ZNF234: variants seen among roughly 807,000 people sequenced by gnomAD.
The protein encoded by ZNF234 is C2-H2 type zinc finger protein.
Under a neutral mutation model 10.3 loss-of-function variants are expected in ZNF234, and 4 were observed. The observed-to-expected ratio is 0.39, with a 90% CI of 0.19 to 0.89. ZNF234 has a LOEUF of 0.89. Ranked by LOEUF, ZNF234 falls within the 40% of genes least tolerant of loss-of-function variation. ZNF234 has a pLI of 0.38. For synonymous variants in ZNF234, 258 were observed against 280.1 expected (o/e 0.92, Z 0.79); for missense variants, 711 against 836.1 (o/e 0.85, Z 1.85).
intron 5 of ZNF234, among the ~76,000 whole-genome samples, chr19:44,153,165 C>CATAT (rs10528022): frequency 0.035 from 3,461 of 97,816 alleles, 238 homozygotes; most frequent in African/African-American, 0.11. Context: ...ATGTATTCAT[C>CATAT]ATATATATAT....
Position 44,156,827 on chromosome 19 carries a change from C to T in ZNF234, c.811C>T (p.His271Tyr). The change falls in exon 6 of 6, where the codon CAT becomes TAT. Residue 271 changes from histidine to tyrosine, a missense_variant. His to Tyr is a moderately conservative substitution (Grantham distance 83). Transcript: ENST00000426739. ...TGAGGAATGTGGAAGGGCCTTCATA[C>T]ATGCTTCCCATCTTCAGGAACATCA... Reference protein sequence around the residue: ...NCEECGRAFIHASHLQEHQRI... With the variant: ...NCEECGRAFIYASHLQEHQRI... The T allele has an allele frequency of 6.2e-7, 1 of 1,609,496 alleles. No individual in the cohort carries two copies. The highest frequency in any genetic ancestry group is 2.2e-5 in the East Asian group (1 of 44,782).
rs777046263 is a variant in ZNF234 at position 44,144,691 on chromosome 19, T to A, written c.15+44T>A. 2.0e-6 allele frequency: 3 copies of A among 1,511,358 alleles called. No individual in the cohort carries two copies. The South Asian group carries it at 4.2e-5, about 21-fold the overall frequency. The allele number at this position is 1,511,358 out of a possible 1,614,324, so 93.6% of individuals were successfully genotyped here. On this transcript the variant is annotated intron_variant, in intron 3 of 5. Coordinates refer to ENST00000426739, the MANE Select transcript of ZNF234 (RefSeq NM_006630.3). ...TCTTGCTGTTAAAATTCCATCTCAC[T>A]ATTCTCATGTTTCCTGAGGAAGACT...
rs769656399 is a variant in ZNF234, at chr19:44,150,521, C to T, written c.235+16C>T. ...GGGAAATCAGGTAAGAACCAAGCAG[C>T]TAAGAGTCCTTGTACGTGATTGTCC... On this transcript the variant is annotated intron_variant, in intron 5 of 5. Transcript: ENST00000426739. The T allele has an allele frequency of 2.6e-5, 41 of 1,553,628 alleles. No homozygotes were observed. Among genetic ancestry groups the T allele is most frequent in the Non-Finnish European group, 3.4e-5 (39 of 1,146,590 alleles).
At chr19:44,150,343 T>G (rs1968707268) in intron 4 of ZNF234, 70 bp from the exon 5 acceptor site, 1 of 1,273,880 alleles carries the variant, frequency 7.9e-7, no homozygotes. Context: ...CAGTAGTAAT[T>G]CAAATTGCCA....
Position 44,158,094 on chromosome 19 carries a change from CAGAG to C in ZNF234, c.2079_2082del (p.Gly695GlufsTer7). 6.3e-7 allele frequency: 1 copy of C among 1,598,816 alleles called. No homozygotes were observed. The highest frequency in any genetic ancestry group is 8.5e-7 in the Non-Finnish European group (1 of 1,176,016). ...AATAGTAAGAACATCAGAGAGTTGT[CAGAG>C]GGAGGAAGTTCTACAAGGTGATTAA... is the stretch of plus-strand genomic sequence containing the variant. On this transcript the variant is annotated frameshift_variant, in exon 6 of 6. Coordinates refer to ENST00000426739, the MANE Select transcript of ZNF234 (RefSeq NM_006630.3). LOFTEE classifies it low-confidence loss of function (END_TRUNC).
At chr19:44,155,443 C>A (rs757027621) in intron 5 of ZNF234, among the ~76,000 whole-genome samples, 5 of 151,988 alleles carry the variant, frequency 3.3e-5, no homozygotes, top group Non-Finnish European at 5.9e-5. Context: ...ATACTATATT[C>A]TTACAATAAA....
chr19:44,156,819 C>A lies in ZNF234; in HGVS notation c.803C>A (p.Ala268Asp), dbSNP rs772530173. 1.9e-6 allele frequency: 3 copies of A among 1,609,110 alleles called. No individual in the cohort carries two copies. Among genetic ancestry groups the A allele is most frequent in the Non-Finnish European group, 2.5e-6 (3 of 1,176,482 alleles). The change falls in exon 6 of 6, where the codon GCC (alanine) becomes GAC (aspartate). Residue 268 changes from alanine (A) to aspartate (D), a missense_variant. Physicochemically the swap from Ala to Asp is moderately radical, Grantham distance 126. Coordinates refer to ENST00000426739, the MANE Select transcript of ZNF234 (RefSeq NM_006630.3). ...TACAATTGTGAGGAATGTGGAAGGG[C>A]CTTCATACATGCTTCCCATCTTCAG... is the stretch of plus-strand genomic sequence containing the variant. ...KPYNCEECGRAFIHASHLQEH... is the reference protein window; with the variant it reads ...KPYNCEECGRDFIHASHLQEH...
Position 44,144,544 on chromosome 19 carries a change from G to A in ZNF234, c.-76-13G>A, listed in dbSNP as rs556253427. The A allele has an allele frequency of 8.1e-6, 10 of 1,236,294 alleles. No homozygotes were observed. The East Asian group carries it at 1.3e-4, about 16-fold the overall frequency. 76.6% of individuals were successfully genotyped at this position (1,236,294 alleles called of 1,614,324 possible). A position where few individuals can be genotyped will look rare whatever the true frequency, so the allele number is the denominator to read the frequency against. ...TGGCCACGCTTTCATGTCTCTTTTT[G>A]TGTCTTCCATAGTGTTCCAGGCACG... is the stretch of plus-strand genomic sequence containing the variant. On this transcript the variant is annotated splice_polypyrimidine_tract_variant and intron_variant, in intron 2 of 5. Coordinates refer to ENST00000426739, the MANE Select transcript of ZNF234 (RefSeq NM_006630.3).
In ZNF234 at chr19:44,158,856, C is replaced by T. The variant is rs1285524802; in HGVS notation, c.*737C>T. ...TCCATGGGGGCAGGAACTTTGCTAC[C>T]GAATCTATACAACCTTAACATTGAC... On this transcript the variant is annotated 3_prime_UTR_variant, in exon 6 of 6. Coordinates refer to ENST00000426739, the MANE Select transcript of ZNF234 (RefSeq NM_006630.3). 2 of 152,556 alleles carry T rather than the reference C, an allele frequency of 1.3e-5. No homozygotes were observed. The highest frequency in any genetic ancestry group is 1.9e-4 in the East Asian group (1 of 5,194). The allele number at this position is 152,556 out of a possible 1,614,324, so 9.5% of individuals were successfully genotyped here.
intron 4 of ZNF234, 30 bp from the exon 5 acceptor site, chr19:44,150,383 G>A (rs1416082930): frequency 6.5e-7 from 1 of 1,538,384 alleles, no homozygotes; most frequent in Admixed American, 2.0e-5. Context: ...TAGTGTGTTT[G>A]TTTTAAATAT....
intron 3 of ZNF234, among the ~76,000 whole-genome samples, chr19:44,147,805 T>C (rs557163050): frequency 2.3e-4 from 35 of 152,112 alleles, no homozygotes; most frequent in Admixed American, 1.6e-3. Context: ...TGAGCCAAGA[T>C]TGTGCCATTG....
At chr19:44,144,966 G>A (rs1968554583) in intron 3 of ZNF234, among the ~76,000 whole-genome samples, 1 of 152,192 alleles carries the variant, frequency 6.6e-6, no homozygotes. Context: ...GTCTGTGGAT[G>A]TGGAACCCAT....
intron 5 of ZNF234, among the ~76,000 whole-genome samples, chr19:44,154,624 TTTTC>T (rs1243123344): frequency 2.9e-3 from 296 of 101,262 alleles, no homozygotes; most frequent in Non-Finnish European, 3.9e-3. Context: ...TTTTTTCTCT[TTTTC>T]TTTTTTTTTT....
intron 3 of ZNF234, among the ~76,000 whole-genome samples, chr19:44,145,708 A>G (rs1382449550): frequency 6.6e-6 from 1 of 152,198 alleles, no homozygotes; most frequent in Admixed American, 6.5e-5. Context: ...AGAATACTCT[A>G]ACATGGCACA....
rs1968906704 is a variant in ZNF234, at chr19:44,157,082, C to T, written c.1066C>T (p.Pro356Ser). The T allele has an allele frequency of 1.2e-6, 2 of 1,613,920 alleles. No homozygotes were observed. Among genetic ancestry groups the T allele is most frequent in the East Asian group, 2.2e-5 (1 of 44,846 alleles). The change falls in exon 6 of 6, where the codon CCT (proline) becomes TCT (serine). Residue 356 changes from proline (P) to serine (S), a missense_variant. Pro to Ser is a moderately conservative substitution (Grantham distance 74). Coordinates refer to ENST00000426739, the MANE Select transcript of ZNF234 (RefSeq NM_006630.3). ...CEECGKCFIQ[P>S]SQFQAHRRIH... ...AGAATGTGGTAAGTGCTTTATTCAG[C>T]CTTCACAATTTCAGGCCCATCGGAG... is the stretch of plus-strand genomic sequence containing the variant.
intron 2 of ZNF234, among the ~76,000 whole-genome samples, chr19:44,143,262 G>T (rs1237815356): frequency 6.7e-6 from 1 of 150,338 alleles, no homozygotes; most frequent in Non-Finnish European, 1.5e-5. Flanking sequence ...GGAGGCCAAG[G>T]CCTGTGGATC....
intron 5 of ZNF234, among the ~76,000 whole-genome samples, chr19:44,155,856 C>T (rs1231903999): frequency 6.6e-6 from 1 of 152,160 alleles, no homozygotes; most frequent in Non-Finnish European, 1.5e-5. Context: ...CTGCCCCAGC[C>T]TCCCAGAATG....
At position 44,157,383 on chromosome 19, in the gene ZNF234, T is replaced by C. The variant is rs777909050; in HGVS notation, c.1367T>C (p.Phe456Ser). ...AAAGCACATAGTGTACAGAAACCTT[T>C]TAAGTGTGAAGAGTGTGGGCAGGGC... The part of the protein sequence containing the change: ...HLKAHSVQKP[F>S]KCEECGQGFN... Residue 456 changes from phenylalanine (F) to serine (S), a missense_variant, in exon 6 of 6, where the codon TTT (phenylalanine) becomes TCT (serine). By Grantham distance (155) the Phe-to-Ser change is radical. Transcript: ENST00000426739. 8.0e-5 allele frequency: 129 copies of C among 1,613,810 alleles called. No homozygotes were observed. Among genetic ancestry groups the C allele is most frequent in the Non-Finnish European group, 1.0e-4 (123 of 1,179,892 alleles).
In ZNF234 at chr19:44,157,163, T is replaced by G. The variant is rs1464560334; in HGVS notation, c.1147T>G (p.Tyr383Asp). ...TAAAGTGTGTGGTAAGGGTTTCATT[T>G]ACAGTTCAAGTTTTCAGGCCCATCA... ...VCKVCGKGFIYSSSFQAHQGV... is the reference protein window; with the variant it reads ...VCKVCGKGFIDSSSFQAHQGV... Residue 383 changes from tyrosine (Y) to aspartate (D), a missense_variant, in exon 6 of 6, where the codon TAC (tyrosine) becomes GAC (aspartate). Coordinates refer to ENST00000426739, the MANE Select transcript of ZNF234 (RefSeq NM_006630.3). 6.2e-7 allele frequency: 1 copy of G among 1,613,856 alleles called. No individual in the cohort carries two copies. Among genetic ancestry groups the G allele is most frequent in the Non-Finnish European group, 8.5e-7 (1 of 1,179,958 alleles).
Sources: gnomAD v4.1 joint callset for allele counts (sites outside exome capture counted in the v4.1 genomes callset) on GRCh38, gnomAD v4.1.1 for gene constraint, MANE v1.5 for transcripts, NCBI Gene and HGNC (gene_info 2026-07-23, HGNC 2026-07-21) for gene names.